Variants in CTNNA2 observed in about 807,000 individuals in gnomAD.
CTNNA2 encodes the protein catenin alpha-2.
CTNNA2 carries 42 observed loss-of-function variants against 101.0 expected under a neutral mutation model. That is an observed-to-expected ratio of 0.42 (90% CI 0.32 to 0.54). The LOEUF (loss-of-function observed/expected upper bound fraction) is 0.54, where lower values mean the gene tolerates loss of function less well. Among genes scored for constraint, CTNNA2 ranks in the 20% least tolerant of loss-of-function variants. The pLI is 0.14. For synonymous variants in CTNNA2, 450 were observed against 456.4 expected (o/e 0.99, Z 0.18); for missense variants, 871 against 1,223.1 (o/e 0.71, Z 4.29).
intron 7 of CTNNA2, among the ~76,000 whole-genome samples, chr2:80,078,679 A>G (rs1161149772): frequency 6.6e-6 from 1 of 152,072 alleles, no homozygotes; most frequent in African/African-American, 2.4e-5. Flanking sequence ...CTCTTTGTGA[A>G]ATCTAACAAA....
rs1487833460 is a variant in CTNNA2, at chr2:80,490,282, C to CG, written c.1291-54700_1291-54699insG. Among the ~76,000 whole-genome samples the CG allele has an allele frequency of 3.0e-3, 219 of 72,876 alleles. 5 individuals are homozygous for CG. Among genetic ancestry groups the CG allele is most frequent in the African/African-American group, 0.015 (204 of 13,568 alleles). The allele number at this position is 72,876 out of a possible 152,430, so 47.8% of individuals were successfully genotyped here. A position where few individuals can be genotyped will look rare whatever the true frequency, so the allele number is the denominator to read the frequency against. On this transcript the variant is annotated intron_variant, in intron 9 of 18. Transcript: ENST00000402739. ...CATTTTTTTTTCCTTCCCCCCCCAC[C>CG]CCCCCCCCGGTAAAGCACCAGATAG...
intron 9 of CTNNA2, among the ~76,000 whole-genome samples, chr2:80,457,507 A>G (rs377389722): frequency 6.6e-6 from 1 of 152,180 alleles, no homozygotes; most frequent in Non-Finnish European, 1.5e-5. Flanking sequence ...CTGACACATA[A>G]TAAGTATACA....
intron 6 of CTNNA2, among the ~76,000 whole-genome samples, chr2:79,891,394 C>G (rs1034824686): frequency 1.3e-5 from 2 of 152,100 alleles, no homozygotes; most frequent in African/African-American, 4.8e-5. Flanking sequence ...ATTTTAAGAT[C>G]CTACATTTTA....
chr2:79,310,560 T>G (rs1404476766), intron 2 of CTNNA2, among the ~76,000 whole-genome samples: 1 of 152,216 alleles, frequency 6.6e-6, no homozygotes, highest in East Asian at 1.9e-4. Flanking sequence ...ACTTATTGGG[T>G]GTTGTTGTCC....
chr2:79,897,390 T>G (rs2104256167), intron 6 of CTNNA2, among the ~76,000 whole-genome samples: 1 of 151,730 alleles, frequency 6.6e-6, no homozygotes, highest in East Asian at 1.9e-4. Context: ...TGATCATGAC[T>G]TGAATAAGGG....
At chr2:79,468,006 AG>A (rs1425968527) in intron 4 of CTNNA2, among the ~76,000 whole-genome samples, 1 of 152,202 alleles carries the variant, frequency 6.6e-6, no homozygotes, top group Non-Finnish European at 1.5e-5. Context: ...TCATAATGAC[AG>A]GATCAAATTC....
At position 79,712,279 on chromosome 2, in the gene CTNNA2, G is replaced by A. The variant is rs56875803; in HGVS notation, c.103-32108G>A. 8.1e-3 allele frequency among the ~76,000 whole-genome samples: 1,231 copies of A among 152,244 alleles called. 14 individuals are homozygous for A. The highest frequency in any genetic ancestry group is 0.027 in the African/African-American group (1,141 of 41,552). On this transcript the variant is annotated intron_variant, in intron 2 of 18. Coordinates refer to ENST00000402739, the MANE Select transcript of CTNNA2 (RefSeq NM_001282597.3). ...TTATGTTCAGCTCCTACCAAGCAAT[G>A]CAACTCTAGAAAAAACCCTTTGCTT...
At chr2:80,112,338 G>A (rs757713772) in intron 7 of CTNNA2, among the ~76,000 whole-genome samples, 1 of 152,058 alleles carries the variant, frequency 6.6e-6, no homozygotes, top group Non-Finnish European at 1.5e-5. Context: ...CTCATTCAAT[G>A]GCAGAATTAT....
intron 3 of CTNNA2, among the ~76,000 whole-genome samples, chr2:79,803,586 G>T (rs1469006003): frequency 6.6e-6 from 1 of 152,242 alleles, no homozygotes; most frequent in African/African-American, 2.4e-5. Flanking sequence ...CCCTGGGCGG[G>T]CCAGGTGTTC....
intron 2 of CTNNA2, among the ~76,000 whole-genome samples, chr2:79,740,342 T>C (rs1167352446): frequency 1.3e-5 from 2 of 152,224 alleles, no homozygotes; most frequent in Non-Finnish European, 2.9e-5. Flanking sequence ...TGTTCTTTTT[T>C]AAGCAACAAA....
chr2:80,354,146 T>C lies in CTNNA2; in HGVS notation c.1057-39065T>C, dbSNP rs150636671. 2.6e-4 allele frequency among the ~76,000 whole-genome samples: 40 copies of C among 152,270 alleles called. No homozygotes were observed. In the East Asian group the frequency reaches 7.0e-3, roughly 27 times the overall value. On this transcript the variant is annotated intron_variant, in intron 7 of 18. Coordinates refer to ENST00000402739, the MANE Select transcript of CTNNA2 (RefSeq NM_001282597.3). ...TCAACTAATGAGTCCCTTGCACTTC[T>C]TCGGTTGTGGCACTCTAACTTCAGG...
At chr2:80,047,517 G>A (rs1191141115) in intron 7 of CTNNA2, among the ~76,000 whole-genome samples, 1 of 152,166 alleles carries the variant, frequency 6.6e-6, no homozygotes, top group African/African-American at 2.4e-5. Flanking sequence ...AGAACTTGCT[G>A]TGCTGACTCT....
intron 2 of CTNNA2, among the ~76,000 whole-genome samples, chr2:79,677,617 C>A (rs905528698): frequency 2.0e-5 from 3 of 152,036 alleles, no homozygotes; most frequent in Non-Finnish European, 2.9e-5. Context: ...TGAAAAGTAC[C>A]AGAATTGTAA....
At chr2:80,536,780 G>A (rs1691065917) in intron 9 of CTNNA2, among the ~76,000 whole-genome samples, 1 of 152,200 alleles carries the variant, frequency 6.6e-6, no homozygotes. Flanking sequence ...GCTCTTTTGA[G>A]ACAGAGCTGC....
chr2:79,266,632 C>T (rs922311228), intron 2 of CTNNA2, among the ~76,000 whole-genome samples: 2 of 152,064 alleles, frequency 1.3e-5, no homozygotes, highest in Admixed American at 1.3e-4. Flanking sequence ...GCAGCAAGAT[C>T]TCGGTGGTGG....
At chr2:80,108,727 C>T (rs537312560) in intron 7 of CTNNA2, among the ~76,000 whole-genome samples, 2 of 152,192 alleles carry the variant, frequency 1.3e-5, no homozygotes, top group Non-Finnish European at 2.9e-5. Context: ...TTCCCAAGGT[C>T]ATCCGGTGGT....
At chr2:80,145,527 A>G (rs1482869856) in intron 7 of CTNNA2, among the ~76,000 whole-genome samples, 1 of 152,192 alleles carries the variant, frequency 6.6e-6, no homozygotes, top group Non-Finnish European at 1.5e-5. Flanking sequence ...CCTACTCCAT[A>G]TGGAATACAC....
At chr2:79,435,353 G>A (rs1678702320) in intron 4 of CTNNA2, among the ~76,000 whole-genome samples, 1 of 152,092 alleles carries the variant, frequency 6.6e-6, no homozygotes, top group South Asian at 2.1e-4. Context: ...TGTTTTGTGT[G>A]CATTGGGGTG....
intron 2 of CTNNA2, among the ~76,000 whole-genome samples, chr2:79,248,881 GT>G (rs1207288838): frequency 1.3e-5 from 2 of 152,126 alleles, no homozygotes; most frequent in Non-Finnish European, 2.9e-5. Context: ...CCTTTTAAAT[GT>G]TTTCGTCTTT....
Sources: allele counts gnomAD v4.1 joint callset (sites outside exome capture counted in the v4.1 genomes callset), GRCh38; gene constraint gnomAD v4.1.1; transcripts MANE v1.5; gene names NCBI Gene and HGNC (gene_info 2026-07-23, HGNC 2026-07-21).